Variants in PPP2R2B observed in about 807,000 individuals in gnomAD.
PPP2R2B encodes serine/threonine-protein phosphatase 2A 55 kDa regulatory subunit B beta isoform.
PPP2R2B carries 5 observed loss-of-function variants against 46.0 expected under a neutral mutation model. The ratio of observed to expected loss-of-function variants is 0.11; its 90% CI spans 0.06 to 0.23. The LOEUF is 0.23. Ranked by LOEUF, PPP2R2B falls within the 10% of genes least tolerant of loss-of-function variation. PPP2R2B has a pLI of 1.00. For missense variants in PPP2R2B, 367 were observed against 575.0 expected, an observed-to-expected ratio of 0.64 and a Z score of 3.70; for synonymous variants, 215 against 206.7, an observed-to-expected ratio of 1.04 and a Z score of -0.34.
In PPP2R2B at chr5:146,626,688, G is replaced by C. The variant is rs555385709; in HGVS notation, c.790+11563C>G. Among the ~76,000 whole-genome samples, 12 of 152,178 alleles carry C rather than the reference G, an allele frequency of 7.9e-5. No homozygotes were observed. In the East Asian group the frequency reaches 2.3e-3, roughly 29 times the overall value. ...GTAAGTTGGCCTAAAATGTCCCAAG[G>C]CCAGAGCCATCTATAACCCTATGGC... On this transcript the variant is annotated intron_variant, in intron 7 of 9. Coordinates refer to ENST00000394411, the MANE Select transcript of PPP2R2B (RefSeq NM_181675.4).
Position 146,803,072 on chromosome 5 carries a change from C to T in PPP2R2B, c.70+74930G>A, listed in dbSNP as rs879939486. Among the ~76,000 whole-genome samples the T allele has an allele frequency of 4.3e-4, 65 of 152,192 alleles. 1 individual carries two copies. Among genetic ancestry groups the T allele is most frequent in the Admixed American group, 6.5e-4 (10 of 15,276 alleles). On this transcript the variant is annotated intron_variant, in intron 2 of 9. Transcript: ENST00000394411. ...AATTCAGCTTATGAATTGTTCCCTTCATATGCTCCAAATGCTACTTCTCTC... is the reference window on the plus strand; with the variant it reads ...AATTCAGCTTATGAATTGTTCCCTTTATATGCTCCAAATGCTACTTCTCTC...
At chr5:146,635,736 G>A (rs907002581) in intron 7 of PPP2R2B, among the ~76,000 whole-genome samples, 1 of 152,198 alleles carries the variant, frequency 6.6e-6, no homozygotes, top group Non-Finnish European at 1.5e-5. Context: ...GAGAGAGTTA[G>A]AGACTTTCCA....
rs777545453 is a variant in PPP2R2B at position 146,701,158 on chromosome 5, C to A, written c.71-16G>T. On this transcript the variant is annotated splice_polypyrimidine_tract_variant and intron_variant, in intron 2 of 9. Coordinates refer to ENST00000394411, the MANE Select transcript of PPP2R2B (RefSeq NM_181675.4). ...ATAATGTCAGCTGCAAAGAAGAAGA[C>A]AAAGGCAATTTAAGTAACTGCACAC... 6.3e-7 allele frequency: 1 copy of A among 1,591,814 alleles called. No homozygotes were observed. The highest frequency in any genetic ancestry group is 1.7e-5 in the Admixed American group (1 of 59,978).
rs887628493 is a variant in PPP2R2B, at chr5:146,583,137, C to T, written c.*6810G>A. The T allele has an allele frequency of 1.3e-5, 2 of 152,142 alleles. No homozygotes were observed. The highest frequency in any genetic ancestry group is 1.3e-4 in the Admixed American group (2 of 15,270). 9.4% of individuals were successfully genotyped at this position (152,142 alleles called of 1,614,324 possible). On this transcript the variant is annotated 3_prime_UTR_variant, in exon 10 of 10. Transcript: ENST00000394411. ...ATCCTGATGTCTGGAATATGCTTTT[C>T]CTTTCTCTTCTCCTGGATAACTCAC...
chr5:146,874,112 C>G (rs1425193833), intron 2 of PPP2R2B, among the ~76,000 whole-genome samples: 2 of 152,230 alleles, frequency 1.3e-5, no homozygotes, highest in East Asian at 3.8e-4. Context: ...CACCTTTCCA[C>G]CTTATGACCC....
chr5:147,069,766 C>G (rs1757519746), intron 2 of PPP2R2B, among the ~76,000 whole-genome samples: 1 of 137,136 alleles, frequency 7.3e-6, no homozygotes. Context: ...GCCACTCCCA[C>G]ATGAACACAT....
intron 2 of PPP2R2B, among the ~76,000 whole-genome samples, chr5:146,846,148 G>A (rs1290025517): frequency 1.3e-5 from 2 of 152,104 alleles, no homozygotes; most frequent in Admixed American, 1.3e-4. Context: ...GGGAGGCTGA[G>A]GTGAGTGGAC....
intron 4 of PPP2R2B, among the ~76,000 whole-genome samples, chr5:146,695,440 T>C (rs918073625): frequency 2.0e-5 from 3 of 152,142 alleles, no homozygotes; most frequent in African/African-American, 2.4e-5. Context: ...AGATTCACAA[T>C]TGAATGTTGG....
upstream of PPP2R2B, among the ~76,000 whole-genome samples, chr5:146,883,694 A>G (rs1473582685): frequency 6.6e-6 from 1 of 152,218 alleles, no homozygotes; most frequent in Non-Finnish European, 1.5e-5. Context: ...TGCTGTCTAG[A>G]GAATGACCTC....
intron 1 of PPP2R2B, among the ~76,000 whole-genome samples, chr5:146,976,938 A>G (rs1363577654): frequency 6.6e-6 from 1 of 152,214 alleles, no homozygotes; most frequent in Non-Finnish European, 1.5e-5. Flanking sequence ...TTGACGTTTT[A>G]TAGTATTTGG....
intron 1 of PPP2R2B, among the ~76,000 whole-genome samples, chr5:146,888,742 A>G (rs906167420): frequency 6.6e-6 from 1 of 152,122 alleles, no homozygotes; most frequent in Admixed American, 6.6e-5. Context: ...CTCCCTATAG[A>G]CATGGAAGGA....
At chr5:146,835,206 T>C (rs974337121) in intron 2 of PPP2R2B, among the ~76,000 whole-genome samples, 1 of 152,210 alleles carries the variant, frequency 6.6e-6, no homozygotes, top group Non-Finnish European at 1.5e-5. Flanking sequence ...AAAATTTTGA[T>C]GACTTAATAA....
Position 146,590,131 on chromosome 5 carries a change from T to G in PPP2R2B, c.1148A>C (p.Lys383Thr). The change falls in exon 10 of 10, where the codon AAG becomes ACG. Residue 383 changes from lysine to threonine, a missense_variant. Around this residue, in one of 2 missense-constraint regions of PPP2R2B, gnomAD observed 361 missense variants for 545.5 expected, o/e 0.66. Transcript: ENST00000394411. ...TCGGGGTTTGAGGATAGCCCGGGGC[T>G]TGCTGTTTTCCCTCGAAGCCTCAAG... ...VTLEASRENS[K>T]PRAILKPRKV... 6.2e-7 allele frequency: 1 copy of G among 1,613,540 alleles called. No individual in the cohort carries two copies. The highest frequency in any genetic ancestry group is 8.5e-7 in the Non-Finnish European group (1 of 1,180,020).
intron 1 of PPP2R2B, among the ~76,000 whole-genome samples, chr5:146,937,633 C>T (rs765235496): frequency 1.3e-5 from 2 of 151,990 alleles, no homozygotes; most frequent in African/African-American, 4.8e-5. Flanking sequence ...CATGTAAAAG[C>T]GTGAGGAAAG....
intron 2 of PPP2R2B, among the ~76,000 whole-genome samples, chr5:146,801,217 G>A (rs1259573716): frequency 6.6e-6 from 1 of 152,138 alleles, no homozygotes; most frequent in Admixed American, 6.6e-5. Context: ...CAAAGCTTCA[G>A]TTATACAAAA....
At chr5:146,937,768 T>A (rs1172356538) in intron 1 of PPP2R2B, among the ~76,000 whole-genome samples, 2 of 152,146 alleles carry the variant, frequency 1.3e-5, no homozygotes, top group Non-Finnish European at 2.9e-5. Context: ...ATAGAGGGAA[T>A]GTGTGGGACA....
chr5:146,655,907 G>A (rs1181819516), intron 5 of PPP2R2B, among the ~76,000 whole-genome samples: 1 of 151,936 alleles, frequency 6.6e-6, no homozygotes, highest in African/African-American at 2.4e-5. Flanking sequence ...GAGAGGTGGG[G>A]GGTAGGGAGG....
At chr5:146,720,880 C>T (rs1253098404) in intron 2 of PPP2R2B, among the ~76,000 whole-genome samples, 1 of 152,196 alleles carries the variant, frequency 6.6e-6, no homozygotes, top group Non-Finnish European at 1.5e-5. Flanking sequence ...CTGAAAAATA[C>T]TGCTTTATAC....
intron 1 of PPP2R2B, among the ~76,000 whole-genome samples, chr5:146,907,876 A>T (rs531477109): frequency 6.6e-6 from 1 of 152,268 alleles, no homozygotes; most frequent in Non-Finnish European, 1.5e-5. Context: ...CATAGTATGC[A>T]GTGGTTTGTT....
Sources: gnomAD v4.1 joint callset for allele counts (sites outside exome capture counted in the v4.1 genomes callset) on GRCh38, gnomAD v4.1.1 for gene constraint, gnomAD v4.1.1 regional missense constraint, MANE v1.5 for transcripts, NCBI Gene and HGNC (gene_info 2026-07-23, HGNC 2026-07-21) for gene names.